The following SCUBE3 variants were observed in gnomAD, a reference collection of about 807,000 sequenced individuals.
SCUBE3 encodes the protein signal peptide, CUB and EGF-like domain-containing protein 3.
In SCUBE3, 33 loss-of-function variants were observed where a neutral mutation model predicts 116.8. The ratio of observed to expected loss-of-function variants is 0.28; its 90% CI spans 0.21 to 0.38. The LOEUF is 0.38. Among genes scored for constraint, SCUBE3 ranks in the 10% least tolerant of loss-of-function variants. SCUBE3 has a pLI of 1.00. For missense variants in SCUBE3, 1,007 were observed against 1,324.8 expected, an observed-to-expected ratio of 0.76 and a Z score of 3.72; for synonymous variants, 418 against 496.9, an observed-to-expected ratio of 0.84 and a Z score of 2.11.
rs763963592 is a variant in SCUBE3 at position 35,243,691 on chromosome 6, C to T, written c.2007C>T (p.Cys669=). The T allele has an allele frequency of 1.4e-5, 23 of 1,613,946 alleles. No individual in the cohort carries two copies. Among genetic ancestry groups the T allele is most frequent in the Admixed American group, 8.3e-5 (5 of 60,010 alleles). Residue 669 remains cysteine (C), a synonymous_variant, in exon 16 of 22, where the codon TGC becomes TGT. Transcript: ENST00000274938. This position sits in a 1 kb window ranked among gnomAD's most constrained non-coding sequence, Gnocchi z 6.6. ...TFQEREGQLS[C]DLCPGSDAHG... is the part of the protein sequence containing the mutation. ...AGGAGAGAGAAGGGCAGCTCTCCTG[C>T]GACCTTTGCCCTGGGAGTGATGCCC...
At position 35,243,336 on chromosome 6, in the gene SCUBE3, T is replaced by C. The variant is rs1784164693; in HGVS notation, c.1909+100T>C. The C allele has an allele frequency of 9.2e-7, 1 of 1,088,664 alleles. No homozygotes were observed. Among genetic ancestry groups the C allele is most frequent in the Non-Finnish European group, 1.4e-6 (1 of 739,594 alleles). The allele number at this position is 1,088,664 out of a possible 1,614,324, so 67.4% of individuals were successfully genotyped here. On this transcript the variant is annotated intron_variant, in intron 15 of 21. Transcript: ENST00000274938. This position sits in a 1 kb window ranked among gnomAD's most constrained non-coding sequence, Gnocchi z 6.6. ...GGCCTCAGATGCATTTCTCAAATTA[T>C]GAGGCAGCCAGGATGCTCCTGCCCG...
Position 35,214,337 on chromosome 6 carries a change from T to A in SCUBE3, c.-82T>A, listed in dbSNP as rs1205339244. ...GGGGCGCCCCCTCCCCTCCCCCTCCTGCGAGCTGGGATCCGGCCGGCTTCC... is the reference window on the plus strand; with the variant it reads ...GGGGCGCCCCCTCCCCTCCCCCTCCAGCGAGCTGGGATCCGGCCGGCTTCC... On this transcript the variant is annotated 5_prime_UTR_variant, in exon 1 of 22. Transcript: ENST00000274938. This position sits in a 1 kb window ranked among gnomAD's most constrained non-coding sequence, Gnocchi z 6.3. 4.7e-6 allele frequency: 4 copies of A among 849,154 alleles called. No homozygotes were observed. Among genetic ancestry groups the A allele is most frequent in the African/African-American group, 1.9e-5 (1 of 53,850 alleles). 52.6% of individuals were successfully genotyped at this position (849,154 alleles called of 1,614,324 possible).
chr6:35,243,360 C>T lies in SCUBE3; in HGVS notation c.1909+124C>T. 3 of 907,570 alleles carry T rather than the reference C, an allele frequency of 3.3e-6. No individual in the cohort carries two copies. The highest frequency in any genetic ancestry group is 1.6e-5 in the South Asian group (1 of 64,050). The allele number at this position is 907,570 out of a possible 1,614,324, so 56.2% of individuals were successfully genotyped here. A position where few individuals can be genotyped will look rare whatever the true frequency, so the allele number is the denominator to read the frequency against. On this transcript the variant is annotated intron_variant, in intron 15 of 21. Transcript: ENST00000274938. This position sits in a 1 kb window ranked among gnomAD's most constrained non-coding sequence, Gnocchi z 6.6. ...ATGAGGCAGCCAGGATGCTCCTGCCCGCTGTCCTCCCTTCCTTGGTTCCAG... is the reference window on the plus strand; with the variant it reads ...ATGAGGCAGCCAGGATGCTCCTGCCTGCTGTCCTCCCTTCCTTGGTTCCAG...
intron 1 of SCUBE3, chr6:35,221,882 C>G (rs972935529): frequency 2.0e-5 from 3 of 152,218 alleles, no homozygotes; most frequent in African/African-American, 7.2e-5. Flanking sequence ...AAGAGTAGAT[C>G]AGAGAAGGCT....
At chr6:35,237,835 C>T in intron 6 of SCUBE3, 67 bp from the exon 7 acceptor site, 2 of 956,372 alleles carry the variant, frequency 2.1e-6, no homozygotes, top group Non-Finnish European at 3.3e-6. Flanking sequence ...GTCTCCACTA[C>T]CCTCAGAGTT....
intron 1 of SCUBE3, chr6:35,224,129 T>C (rs1204990321): frequency 2.0e-5 from 3 of 151,832 alleles, no homozygotes; most frequent in African/African-American, 4.8e-5. Context: ...AAGAGAAAAA[T>C]GAGGAATGCA....
intron 1 of SCUBE3, chr6:35,218,051 C>A: frequency 1.3e-6 from 1 of 743,040 alleles, no homozygotes; most frequent in Non-Finnish European, 1.6e-6. Context: ...GACACTAAGG[C>A]CAGAATTACT....
At position 35,235,363 on chromosome 6, in the gene SCUBE3, A is replaced by G. The variant is rs946766459; in HGVS notation, c.712+2062A>G. 6 of 563,164 alleles carry G rather than the reference A, an allele frequency of 1.1e-5. No individual in the cohort carries two copies. Among genetic ancestry groups the G allele is most frequent in the Admixed American group, 7.1e-5 (3 of 42,046 alleles). 34.9% of individuals were successfully genotyped at this position (563,164 alleles called of 1,614,324 possible). On this transcript the variant is annotated intron_variant, in intron 6 of 21. Transcript: ENST00000274938. The surrounding 1 kb of genome is among the most constrained non-coding windows in gnomAD (Gnocchi z 4.5). ...CTGGTTTGGGCTGGCAGTGGGGAGG[A>G]GAGGGTGGGGAGGGGTCCGGGGCCA...
chr6:35,243,506 GT>G lies in SCUBE3; in HGVS notation c.1910-86del. The G allele has an allele frequency of 8.0e-7, 1 of 1,244,616 alleles. No homozygotes were observed. The highest frequency in any genetic ancestry group is 1.1e-6 in the Non-Finnish European group (1 of 893,718). The allele number at this position is 1,244,616 out of a possible 1,614,324, so 77.1% of individuals were successfully genotyped here. ...GACAGAGATTCTCCCTGAATCGGGG[GT>G]TGTGGCGGGGAGTGGGAAGGGGAGT... On this transcript the variant is annotated intron_variant, in intron 15 of 21. Transcript: ENST00000274938. This position sits in a 1 kb window ranked among gnomAD's most constrained non-coding sequence, Gnocchi z 6.6.
intron 2 of SCUBE3, 65 bp downstream of exon 2, chr6:35,227,767 C>G: frequency 6.5e-7 from 1 of 1,550,034 alleles, no homozygotes; most frequent in Non-Finnish European, 8.9e-7. Flanking sequence ...TGCCACTGCC[C>G]TCAGTTGGCC....
Position 35,248,797 on chromosome 6 carries a change from T to A in SCUBE3, c.*92T>A. 2 of 979,848 alleles carry A rather than the reference T, an allele frequency of 2.0e-6. No individual in the cohort carries two copies. Among genetic ancestry groups the A allele is most frequent in the Non-Finnish European group, 1.5e-6 (1 of 647,994 alleles). The allele number at this position is 979,848 out of a possible 1,614,324, so 60.7% of individuals were successfully genotyped here. A position where few individuals can be genotyped will look rare whatever the true frequency, so the allele number is the denominator to read the frequency against. ...CCCTACCCTCAGACAAGGAACTCTC[T>A]CCTCTCTTTTTGGAGGGAAAAAAAA... On this transcript the variant is annotated 3_prime_UTR_variant, in exon 22 of 22. Transcript: ENST00000274938.
chr6:35,219,100 G>A lies in SCUBE3; in HGVS notation c.85+4597G>A, dbSNP rs1158775361. On this transcript the variant is annotated intron_variant, in intron 1 of 21. Transcript: ENST00000274938. The surrounding 1 kb of genome is among the most constrained non-coding windows in gnomAD (Gnocchi z 4.7). The stretch of plus-strand genomic sequence containing the variant: ...TCCACTTCTGCCTGCCTGAGGCTAG[G>A]TCATCTGGATACTCTTCCTTTCTTC... Among the ~76,000 whole-genome samples, 1 of 152,120 alleles carries A rather than the reference G, an allele frequency of 6.6e-6. No individual in the cohort carries two copies. Among genetic ancestry groups the A allele is most frequent in the Non-Finnish European group, 1.5e-5 (1 of 68,028 alleles).
chr6:35,235,813 C>T lies in SCUBE3; in HGVS notation c.713-2089C>T, dbSNP rs1011261277. Among the ~76,000 whole-genome samples, 1 of 152,116 alleles carries T rather than the reference C, an allele frequency of 6.6e-6. No homozygotes were observed. The highest frequency in any genetic ancestry group is 6.5e-5 in the Admixed American group (1 of 15,284). On this transcript the variant is annotated intron_variant, in intron 6 of 21. Coordinates refer to ENST00000274938, the MANE Select transcript of SCUBE3 (RefSeq NM_152753.4). The surrounding 1 kb of genome is among the most constrained non-coding windows in gnomAD (Gnocchi z 4.5). Reference sequence around the variant, plus strand: ...CTCCCAGCCATCTGCTCCCCACCCCCCTCTACCCAGCCAGCCTCATCTTCC... The same window carrying T: ...CTCCCAGCCATCTGCTCCCCACCCCTCTCTACCCAGCCAGCCTCATCTTCC...
Position 35,235,829 on chromosome 6 carries a change from C to T in SCUBE3, c.713-2073C>T, listed in dbSNP as rs1783748093. On this transcript the variant is annotated intron_variant, in intron 6 of 21. Coordinates refer to ENST00000274938, the MANE Select transcript of SCUBE3 (RefSeq NM_152753.4). The surrounding 1 kb of genome is among the most constrained non-coding windows in gnomAD (Gnocchi z 4.5). The stretch of plus-strand genomic sequence containing the variant: ...CCCCACCCCCCTCTACCCAGCCAGC[C>T]TCATCTTCCCTGTCATGCCCACTGT... 6.6e-6 allele frequency among the ~76,000 whole-genome samples: 1 copy of T among 151,994 alleles called. No individual in the cohort carries two copies. The highest frequency in any genetic ancestry group is 2.4e-5 in the African/African-American group (1 of 41,380).
intron 21 of SCUBE3, among the ~76,000 whole-genome samples, chr6:35,247,724 G>A (rs1454351365): frequency 6.6e-6 from 1 of 152,190 alleles, no homozygotes; most frequent in Non-Finnish European, 1.5e-5. Context: ...GTAAGAGGCT[G>A]AAACCCCTAC....
Position 35,239,607 on chromosome 6 carries a change from G to T in SCUBE3, c.830-145G>T. The T allele has an allele frequency of 4.3e-6, 3 of 694,282 alleles. No homozygotes were observed. The South Asian group carries it at 5.6e-5, about 13-fold the overall frequency. 43.0% of individuals were successfully genotyped at this position (694,282 alleles called of 1,614,324 possible). ...GAGAGAGAGACAGGAAAGAGAAAGA[G>T]AAAGAGACAGAGAGAGATCAAGAAG... On this transcript the variant is annotated intron_variant, in intron 7 of 21. Coordinates refer to ENST00000274938, the MANE Select transcript of SCUBE3 (RefSeq NM_152753.4). The surrounding 1 kb of genome is among the most constrained non-coding windows in gnomAD (Gnocchi z 4.1).
intron 3 of SCUBE3, among the ~76,000 whole-genome samples, chr6:35,229,552 C>T (rs1229783478): frequency 6.6e-6 from 1 of 152,182 alleles, no homozygotes; most frequent in Non-Finnish European, 1.5e-5. Context: ...ATGATGACGA[C>T]AGTGCATCCC....
intron 6 of SCUBE3, among the ~76,000 whole-genome samples, chr6:35,236,454 T>C (rs549756448): frequency 6.6e-6 from 1 of 152,350 alleles, no homozygotes; most frequent in South Asian, 2.1e-4. Context: ...AAAAGCACTC[T>C]TTAGCGGGTG....
chr6:35,235,336 T>C lies in SCUBE3; in HGVS notation c.712+2035T>C, dbSNP rs1311480935. 1.6e-5 allele frequency: 7 copies of C among 449,492 alleles called. No individual in the cohort carries two copies. In the Admixed American group the frequency reaches 1.7e-4, roughly 11 times the overall value. The allele number at this position is 449,492 out of a possible 1,614,324, so 27.8% of individuals were successfully genotyped here. Reference sequence around the variant, plus strand: ...GGTCCCAGGGCTCATCATTTGGGGCTACTGGTTTGGGCTGGCAGTGGGGAG... The same window carrying C: ...GGTCCCAGGGCTCATCATTTGGGGCCACTGGTTTGGGCTGGCAGTGGGGAG... On this transcript the variant is annotated intron_variant, in intron 6 of 21. Transcript: ENST00000274938. This position sits in a 1 kb window ranked among gnomAD's most constrained non-coding sequence, Gnocchi z 4.5.
Sources: allele counts gnomAD v4.1 joint callset (sites outside exome capture counted in the v4.1 genomes callset), GRCh38; gene constraint gnomAD v4.1.1; non-coding constraint Gnocchi (gnomAD v3.1); transcripts MANE v1.5; gene names NCBI Gene and HGNC (gene_info 2026-07-23, HGNC 2026-07-21).